Variants in SMC6 observed in about 807,000 individuals in gnomAD.
SMC6 encodes structural maintenance of chromosomes protein 6.
In SMC6, 79 loss-of-function variants were observed where a neutral mutation model predicts 142.2. The observed-to-expected ratio is 0.56, with a 90% CI of 0.46 to 0.67. The LOEUF (loss-of-function observed/expected upper bound fraction) is 0.67, where lower values mean the gene tolerates loss of function less well. Ranked by LOEUF, SMC6 falls within the 30% of genes least tolerant of loss-of-function variation. The pLI, the probability that SMC6 is intolerant of heterozygous loss-of-function variation, is 0.00. For missense variants in SMC6, 1,072 were observed against 1,284.0 expected, an observed-to-expected ratio of 0.83 and a Z score of 2.52; for synonymous variants, 411 against 412.4, an observed-to-expected ratio of 1.00 and a Z score of 0.04.
chr2:17,736,197 T>C (rs1558375008), intron 5 of SMC6, among the ~76,000 whole-genome samples: 1 of 152,230 alleles, frequency 6.6e-6, no homozygotes, highest in Admixed American at 6.5e-5. Flanking sequence ...GTTAGTTTTT[T>C]AGACAGAAGA....
At chr2:17,715,920 T>C (rs1489127301) in intron 15 of SMC6, among the ~76,000 whole-genome samples, 166 bp downstream of exon 15, 1 of 152,200 alleles carries the variant, frequency 6.6e-6, no homozygotes, top group Non-Finnish European at 1.5e-5. Context: ...TTCTCTTTCT[T>C]TCGGATATTT....
chr2:17,710,897 T>C (rs1171812011), intron 16 of SMC6, among the ~76,000 whole-genome samples: 1 of 152,052 alleles, frequency 6.6e-6, no homozygotes, highest in Non-Finnish European at 1.5e-5. Context: ...AAAGTGACAG[T>C]AGCAGGTAAA....
intron 6 of SMC6, 71 bp downstream of exon 6, chr2:17,731,670 C>T (rs894065502): frequency 3.3e-5 from 48 of 1,438,266 alleles, no homozygotes; most frequent in Middle Eastern, 4.5e-4. Flanking sequence ...CAATCAATAC[C>T]AGCAGTCATC....
At chr2:17,674,375 T>C (rs545363378) in intron 25 of SMC6, among the ~76,000 whole-genome samples, 11 of 152,348 alleles carry the variant, frequency 7.2e-5, no homozygotes, top group African/African-American at 2.6e-4. Context: ...AGGTTATCTG[T>C]TATTTCTAAT....
chr2:17,696,268 T>G, intron 22 of SMC6, 21 bp downstream of exon 22: 1 of 1,578,828 alleles, frequency 6.3e-7, no homozygotes, highest in South Asian at 1.2e-5. Flanking sequence ...ACAAAATAAC[T>G]TGAAAAAAAT....
chr2:17,746,679 A>G (rs1481308244), intron 2 of SMC6, among the ~76,000 whole-genome samples: 1 of 152,214 alleles, frequency 6.6e-6, no homozygotes, highest in African/African-American at 2.4e-5. Context: ...TAAATTACAC[A>G]TGATTTTGCT....
At chr2:17,714,805 C>T (rs1668998344) in intron 16 of SMC6, 56 bp downstream of exon 16, 3 of 1,539,914 alleles carry the variant, frequency 1.9e-6, no homozygotes, top group African/African-American at 1.4e-5. Flanking sequence ...TAACTCTTTC[C>T]AATCTTGCAT....
At chr2:17,745,766 A>G (rs1050842874) in intron 3 of SMC6, 61 bp downstream of exon 3, 1 of 1,503,966 alleles carries the variant, frequency 6.6e-7, no homozygotes, top group Non-Finnish European at 9.0e-7. Context: ...ACAGAATGTG[A>G]TATGATGAAT....
chr2:17,691,612 T>G (rs1287627266), intron 23 of SMC6, among the ~76,000 whole-genome samples: 9 of 151,990 alleles, frequency 5.9e-5, no homozygotes, highest in African/African-American at 1.9e-4. Flanking sequence ...AATATCATAC[T>G]GAATGGGCAA....
chr2:17,723,657 C>T (rs1053825184), intron 9 of SMC6, among the ~76,000 whole-genome samples: 2 of 152,154 alleles, frequency 1.3e-5, no homozygotes, highest in Non-Finnish European at 2.9e-5. Context: ...GTTGTCTAGT[C>T]TACATCTCTT....
chr2:17,714,374 A>G (rs1471121681), intron 16 of SMC6, among the ~76,000 whole-genome samples: 1 of 152,112 alleles, frequency 6.6e-6, no homozygotes, highest in Non-Finnish European at 1.5e-5. Flanking sequence ...GATTACAGGC[A>G]TGAGCCCCTG....
chr2:17,716,659 T>A, intron 14 of SMC6, 82 bp downstream of exon 14: 1 of 1,317,536 alleles, frequency 7.6e-7, no homozygotes, highest in African/African-American at 1.5e-5. Flanking sequence ...GAAACAACCA[T>A]ATTTGCTCTC....
intron 18 of SMC6, among the ~76,000 whole-genome samples, chr2:17,705,050 A>C (rs1034530485): frequency 3.3e-5 from 5 of 151,988 alleles, no homozygotes; most frequent in African/African-American, 1.2e-4. Flanking sequence ...TGAGGTCAGG[A>C]GTTCGAGACC....
At position 17,704,836 on chromosome 2, in the gene SMC6, G is replaced by A. The variant is rs573086810; in HGVS notation, c.2007-1544C>T. On this transcript the variant is annotated intron_variant, in intron 18 of 27. Transcript: ENST00000448223. ...AAAATGTGGAAAGGAAGAGAATAGC[G>A]CAATTTCTGATAAAAATGGGGCCAG... 3.6e-4 allele frequency among the ~76,000 whole-genome samples: 55 copies of A among 152,130 alleles called. 1 individual carries two copies. The highest frequency in any genetic ancestry group is 5.8e-4 in the East Asian group (3 of 5,182).
chr2:17,747,253 A>T (rs563741169), intron 2 of SMC6, among the ~76,000 whole-genome samples: 48 of 152,300 alleles, frequency 3.2e-4, no homozygotes, highest in Admixed American at 8.5e-4. Flanking sequence ...AGGTGAGAAG[A>T]CCACTCCCAC....
At chr2:17,702,780 C>T (rs1323746473) in intron 19 of SMC6, among the ~76,000 whole-genome samples, 1 of 152,076 alleles carries the variant, frequency 6.6e-6, no homozygotes, top group Non-Finnish European at 1.5e-5. Context: ...GGCTCTCTTT[C>T]TCTCATGGCT....
intron 11 of SMC6, among the ~76,000 whole-genome samples, chr2:17,720,034 G>A (rs879888758): frequency 6.6e-6 from 1 of 152,110 alleles, no homozygotes; most frequent in Non-Finnish European, 1.5e-5. Context: ...ATTTGCGGGG[G>A]AAGGGGAGTA....
chr2:17,723,956 C>T (rs1669495785), intron 9 of SMC6, among the ~76,000 whole-genome samples: 1 of 152,084 alleles, frequency 6.6e-6, no homozygotes, highest in South Asian at 2.1e-4. Flanking sequence ...TATTATGCAT[C>T]AGGAATTCTC....
chr2:17,677,191 C>T (rs746179763), intron 25 of SMC6, among the ~76,000 whole-genome samples: 2 of 152,040 alleles, frequency 1.3e-5, no homozygotes, highest in African/African-American at 2.4e-5. Flanking sequence ...AGAACAATGG[C>T]GTCTCCAAAC....
Sources: gnomAD v4.1 joint callset for allele counts (sites outside exome capture counted in the v4.1 genomes callset) on GRCh38, gnomAD v4.1.1 for gene constraint, MANE v1.5 for transcripts, NCBI Gene and HGNC (gene_info 2026-07-23, HGNC 2026-07-21) for gene names.